The following CD22 variants were observed in gnomAD, a reference collection of about 807,000 sequenced individuals.
CD22 encodes the protein CD22 molecule.
A neutral mutation model predicts 94.7 loss-of-function variants in CD22; 51 were observed. That is an observed-to-expected ratio of 0.54 (90% confidence interval 0.43 to 0.68). The LOEUF (loss-of-function observed/expected upper bound fraction) is 0.68. Ranked by LOEUF, CD22 falls within the 30% of genes least tolerant of loss-of-function variation. The probability of loss-of-function intolerance (pLI) is 0.00; values close to 1 mark genes in which losing one functional copy is unlikely to be tolerated. For synonymous variants in CD22, 424 were observed against 422.5 expected (o/e 1.00, Z -0.04); for missense variants, 931 against 1,060.4 (o/e 0.88, Z 1.69).
rs762515089 is a variant in CD22 at position 35,346,800 on chromosome 19, GCA to G, written c.*119_*120del. 0.011 allele frequency: 9,420 copies of G among 848,404 alleles called. 6 individuals carry two copies. Among genetic ancestry groups the G allele is most frequent in the East Asian group, 0.029 (878 of 30,476 alleles). 52.6% of individuals were successfully genotyped at this position (848,404 alleles called of 1,614,324 possible). On this transcript the variant is annotated 3_prime_UTR_variant, in exon 14 of 14. Transcript: ENST00000085219. ...ATGGCTTCCTCCTGCGCGCATGTGC[GCA>G]CACACACACACACACGCACACACAC...
chr19:35,331,874 T>A, intron 1 of CD22, 145 bp from the exon 2 acceptor site: 1 of 1,510,004 alleles, frequency 6.6e-7, no homozygotes, highest in South Asian at 1.3e-5. Context: ...TCCGTGAGCA[T>A]CCCAAATGCC....
intron 12 of CD22, 33 bp downstream of exon 12, chr19:35,345,753 C>G: frequency 6.9e-7 from 1 of 1,442,718 alleles, no homozygotes; most frequent in Non-Finnish European, 9.8e-7. Context: ...GACCCTGCAC[C>G]CTGGGAGGGA....
chr19:35,345,566 C>T (rs371000503), intron 11 of CD22, 36 bp from the exon 12 acceptor site: 9 of 1,334,228 alleles, frequency 6.7e-6, no homozygotes, highest in East Asian at 2.3e-5. Context: ...GGTTGGGGAA[C>T]AGGTGGTTAG....
intron 6 of CD22, 77 bp from the exon 7 acceptor site, chr19:35,340,804 G>C: frequency 6.5e-7 from 1 of 1,537,138 alleles, no homozygotes; most frequent in Admixed American, 1.7e-5. Flanking sequence ...ACAGGTAGCG[G>C]GAGAAGAGGA....
chr19:35,340,192 C>T (rs1296022443), intron 6 of CD22, among the ~76,000 whole-genome samples: 1 of 152,154 alleles, frequency 6.6e-6, no homozygotes, highest in African/African-American at 2.4e-5. Context: ...TGCCACACGC[C>T]ACACTCTGCT....
In CD22 at chr19:35,331,339, C is replaced by T. The variant is rs1337761746; in HGVS notation, c.-22-680C>T. On this transcript the variant is annotated intron_variant, in intron 1 of 13. Coordinates refer to ENST00000085219, the MANE Select transcript of CD22 (RefSeq NM_001771.4). ...ATGAGTAGCACCAGAGAGAGCTCCA[C>T]GTTACCCGGGGCCTGGCATTCAAAG... Among the ~76,000 whole-genome samples, 7 of 152,302 alleles carry T rather than the reference C, an allele frequency of 4.6e-5. No homozygotes were observed. In the East Asian group the frequency reaches 1.2e-3, roughly 25 times the overall value.
intron 4 of CD22, 84 bp downstream of exon 4, chr19:35,336,425 A>G: frequency 7.2e-7 from 1 of 1,387,572 alleles, no homozygotes; most frequent in Non-Finnish European, 9.9e-7. Context: ...CACCCAGGGC[A>G]GGGGGAAGCC....
intron 9 of CD22, 35 bp from the exon 10 acceptor site, chr19:35,344,794 C>A: frequency 6.7e-7 from 1 of 1,495,752 alleles, no homozygotes; most frequent in Non-Finnish European, 9.2e-7. Context: ...GAGCTGGCCC[C>A]TCAGTTGATT....
chr19:35,341,760 G>C lies in CD22; in HGVS notation c.1830G>C (p.Lys610Asn), dbSNP rs2066813325. The C allele has an allele frequency of 6.2e-7, 1 of 1,612,232 alleles. No homozygotes were observed. Among genetic ancestry groups the C allele is most frequent in the African/African-American group, 1.3e-5 (1 of 74,928 alleles). The change falls in exon 9 of 14, where the codon AAG becomes AAC. Residue 610 changes from lysine (K) to asparagine (N), a missense_variant. By Grantham distance (94) the Lys-to-Asn change is moderately conservative. Transcript: ENST00000085219. The surrounding 1 kb of genome is among the most constrained non-coding windows in gnomAD (Gnocchi z 4.0). ...MSPGDQVMEG[K>N]SATLTCESDA... ...CGGGGGACCAAGTGATGGAGGGGAA[G>C]AGTGCAACCCTGACCTGTGAGAGCG...
Position 35,336,324 on chromosome 19 carries a change from T to C in CD22, c.701T>C (p.Val234Ala), listed in dbSNP as rs1419286476. Residue 234 changes from valine (V) to alanine (A), a missense_variant, in exon 4 of 14, where the codon GTG becomes GCG. Physicochemically the swap from Val to Ala is moderately conservative, Grantham distance 64. Transcript: ENST00000085219. ...ADGKFLSNDT[V>A]QLNVKHTPKL... is the part of the protein sequence containing the mutation. ...GGGAAGTTCCTCTCCAATGACACGG[T>C]GCAGCTGAACGTGAAGCGTGAGTCT... 1 of 1,613,968 alleles carries C rather than the reference T, an allele frequency of 6.2e-7. No individual in the cohort carries two copies. The highest frequency in any genetic ancestry group is 8.5e-7 in the Non-Finnish European group (1 of 1,179,962).
In CD22 at chr19:35,341,117, C is replaced by A. The variant is rs764742378; in HGVS notation, c.1486C>A (p.Pro496Thr). ...ACNSWCSWAS[P>T]VALNVQYAPR... Reference sequence around the variant, plus strand: ...TAATAGTTGGTGCTCGTGGGCCTCCCCTGTCGCCCTGAATGTCCAGTGTGA... The same window carrying A: ...TAATAGTTGGTGCTCGTGGGCCTCCACTGTCGCCCTGAATGTCCAGTGTGA... The change falls in exon 7 of 14, where the codon CCT (proline) becomes ACT (threonine). Residue 496 changes from proline (P) to threonine (T), a missense_variant. Coordinates refer to ENST00000085219, the MANE Select transcript of CD22 (RefSeq NM_001771.4). This position sits in a 1 kb window ranked among gnomAD's most constrained non-coding sequence, Gnocchi z 4.0. 3.0e-5 allele frequency: 48 copies of A among 1,614,052 alleles called. No homozygotes were observed. The South Asian group carries it at 5.3e-4, about 18-fold the overall frequency.
At chr19:35,342,226 G>C (rs1220205516) in intron 9 of CD22, among the ~76,000 whole-genome samples, 1 of 151,656 alleles carries the variant, frequency 6.6e-6, no homozygotes, top group East Asian at 1.9e-4. Flanking sequence ...CTGGAGTGCA[G>C]TCGCATAATG....
chr19:35,344,714 G>T, intron 9 of CD22, 115 bp from the exon 10 acceptor site: 1 of 749,072 alleles, frequency 1.3e-6, no homozygotes, highest in Non-Finnish European at 2.3e-6. Flanking sequence ...CTGCACGCAT[G>T]CAGGGGAGAA....
chr19:35,345,150 G>T lies in CD22; in HGVS notation c.2208+24G>T, dbSNP rs562679354. The T allele has an allele frequency of 5.4e-5, 86 of 1,605,830 alleles. No homozygotes were observed. In the African/African-American group the frequency reaches 9.5e-4, roughly 18 times the overall value. On this transcript the variant is annotated intron_variant, in intron 11 of 13. Coordinates refer to ENST00000085219, the MANE Select transcript of CD22 (RefSeq NM_001771.4). ...AGGTAGGATGGGGCTGGGCACGATG[G>T]CTCATGCCTGTAATCCCAGCACTTT...
intron 3 of CD22, among the ~76,000 whole-genome samples, chr19:35,335,358 C>T (rs574707544): frequency 1.3e-5 from 2 of 151,894 alleles, no homozygotes; most frequent in Non-Finnish European, 2.9e-5. Flanking sequence ...GAGTTTGAGA[C>T]CAGCCTGGGT....
chr19:35,341,362 G>A lies in CD22; in HGVS notation c.1527G>A (p.Arg509=). ...LNVQYAPRDV[R]VRKIKPLSEI... is the part of the protein sequence containing the mutation. ...CTCCAGATGCCCCCCGAGACGTGAGGGTCCGGAAAATCAAGCCCCTTTCCG... is the reference window on the plus strand; with the variant it reads ...CTCCAGATGCCCCCCGAGACGTGAGAGTCCGGAAAATCAAGCCCCTTTCCG... The change falls in exon 8 of 14, where the codon AGG becomes AGA. Residue 509 remains arginine (R), a synonymous_variant. Coordinates refer to ENST00000085219, the MANE Select transcript of CD22 (RefSeq NM_001771.4). The surrounding 1 kb of genome is among the most constrained non-coding windows in gnomAD (Gnocchi z 4.0). The A allele has an allele frequency of 6.2e-7, 1 of 1,613,780 alleles. No individual in the cohort carries two copies. Among genetic ancestry groups the A allele is most frequent in the South Asian group, 1.1e-5 (1 of 91,076 alleles).
chr19:35,337,171 G>A lies in CD22; in HGVS notation c.719-584G>A, dbSNP rs1346135498. Reference sequence around the variant, plus strand: ...GGAGAATGACATGAACCCAGGAGGCGGAGCTTGCAGTGAGCTGAGATCGCA... The same window carrying A: ...GGAGAATGACATGAACCCAGGAGGCAGAGCTTGCAGTGAGCTGAGATCGCA... On this transcript the variant is annotated intron_variant, in intron 4 of 13. Coordinates refer to ENST00000085219, the MANE Select transcript of CD22 (RefSeq NM_001771.4). This position sits in a 1 kb window ranked among gnomAD's most constrained non-coding sequence, Gnocchi z 4.4. 6.6e-6 allele frequency among the ~76,000 whole-genome samples: 1 copy of A among 152,070 alleles called. No individual in the cohort carries two copies.
chr19:35,332,472 T>C (rs1265410299), intron 2 of CD22, 75 bp from the exon 3 acceptor site: 6 of 1,409,394 alleles, frequency 4.3e-6, no homozygotes, highest in African/African-American at 1.5e-5. Context: ...ATTAAACAAA[T>C]TTTAAAATAA....
chr19:35,341,967 T>G lies in CD22; in HGVS notation c.2035+2T>G, dbSNP rs764479828. 6.2e-7 allele frequency: 1 copy of G among 1,608,648 alleles called. No homozygotes were observed. Reference sequence around the variant, plus strand: ...CTCTCAGCACCCTCACCGTCTACTGTAAGGCCTCTTCCTGCTCTTGTTCTT... The same window carrying G: ...CTCTCAGCACCCTCACCGTCTACTGGAAGGCCTCTTCCTGCTCTTGTTCTT... On this transcript the variant is annotated splice_donor_variant, in intron 9 of 13. Transcript: ENST00000085219. LOFTEE classifies it high-confidence loss of function. The surrounding 1 kb of genome is among the most constrained non-coding windows in gnomAD (Gnocchi z 4.0).
Sources: allele counts gnomAD v4.1 joint callset (sites outside exome capture counted in the v4.1 genomes callset), GRCh38; gene constraint gnomAD v4.1.1; non-coding constraint Gnocchi (gnomAD v3.1); transcripts MANE v1.5; gene names NCBI Gene and HGNC (gene_info 2026-07-23, HGNC 2026-07-21).